The following OPRM1 variants were observed in gnomAD, a reference collection of about 807,000 sequenced individuals.
The protein encoded by OPRM1 is mu-type opioid receptor.
In OPRM1, 27 loss-of-function variants were observed where a neutral mutation model predicts 31.8. The ratio of observed to expected loss-of-function variants is 0.85; its 90% CI spans 0.63 to 1.17. OPRM1 has a LOEUF of 1.17. Ranked by LOEUF, OPRM1 falls within the 50% of genes most tolerant of loss-of-function variation. OPRM1 has a pLI of 0.00. For missense variants in OPRM1, 536 were observed against 511.1 expected, an observed-to-expected ratio of 1.05 and a Z score of -0.47; for synonymous variants, 196 against 189.9, an observed-to-expected ratio of 1.03 and a Z score of -0.26.
At chr6:154,073,551 A>T (rs996299916) in intron 1 of OPRM1, 1 of 152,320 alleles carries the variant, frequency 6.6e-6, no homozygotes, top group African/African-American at 2.4e-5. Context: ...ACAGTCTACC[A>T]GGGAATATTA....
chr6:154,111,363 G>C (rs1796344946), intron 3 of OPRM1, among the ~76,000 whole-genome samples: 1 of 152,124 alleles, frequency 6.6e-6, no homozygotes, highest in Non-Finnish European at 1.5e-5. Context: ...GGCTTCAAAA[G>C]TACCCAAGCC....
At chr6:154,078,750 A>C (rs1439578784) in intron 1 of OPRM1, among the ~76,000 whole-genome samples, 1 of 152,074 alleles carries the variant, frequency 6.6e-6, no homozygotes, top group African/African-American at 2.4e-5. Flanking sequence ...ATGGTGATGC[A>C]TGCCTGTGGT....
intron 3 of OPRM1, among the ~76,000 whole-genome samples, chr6:154,110,062 C>T (rs564921616): frequency 1.3e-5 from 2 of 152,246 alleles, no homozygotes; most frequent in South Asian, 4.2e-4. Context: ...AGGCATTAAT[C>T]AGAATCCTAA....
chr6:154,114,409 T>C (rs1260120073), intron 3 of OPRM1, among the ~76,000 whole-genome samples: 3 of 151,522 alleles, frequency 2.0e-5, no homozygotes, highest in African/African-American at 7.3e-5. Context: ...ATATCATCAA[T>C]ACAGTAAGCC....
At chr6:154,213,011 G>A (rs368118644) in intron 3 of OPRM1, 69 of 615,988 alleles carry the variant, frequency 1.1e-4, no homozygotes, top group East Asian at 1.1e-3. Context: ...TGGTGCAAAG[G>A]AATTACATAA....
chr6:154,165,681 G>GCCT (rs1799371553), intron 3 of OPRM1, among the ~76,000 whole-genome samples: 1 of 152,198 alleles, frequency 6.6e-6, no homozygotes. Context: ...GGTATTCAAG[G>GCCT]CCTTGTGTAA....
intron 3 of OPRM1, among the ~76,000 whole-genome samples, chr6:154,177,685 TTGG>T (rs1277882037): frequency 4.6e-5 from 7 of 152,346 alleles, no homozygotes; most frequent in Admixed American, 3.9e-4. Context: ...TTTTACACTG[TTGG>T]TGGGAGTGTA....
chr6:154,165,487 T>G (rs911542816), intron 3 of OPRM1, among the ~76,000 whole-genome samples: 3 of 152,234 alleles, frequency 2.0e-5, no homozygotes, highest in Admixed American at 6.5e-5. Context: ...CACATCAGCA[T>G]GTCCTCCTAC....
chr6:154,109,213 G>A (rs1044393450), intron 3 of OPRM1, among the ~76,000 whole-genome samples: 2 of 152,156 alleles, frequency 1.3e-5, no homozygotes, highest in Non-Finnish European at 2.9e-5. Flanking sequence ...GCTTAGAAAG[G>A]ACAACACAGT....
chr6:154,213,298 C>A (rs1778116781), intron 3 of OPRM1: 1 of 166,940 alleles, frequency 6.0e-6, no homozygotes. Flanking sequence ...GTGGAGACCC[C>A]TACAAGATAT....
intron 3 of OPRM1, among the ~76,000 whole-genome samples, chr6:154,092,421 T>C (rs1374382250): frequency 6.6e-6 from 1 of 152,224 alleles, no homozygotes; most frequent in Non-Finnish European, 1.5e-5. Flanking sequence ...AATCACAGCC[T>C]GTATAATTTT....
intron 3 of OPRM1, among the ~76,000 whole-genome samples, chr6:154,113,587 A>G (rs115104121): frequency 6.7e-4 from 102 of 152,328 alleles, no homozygotes; most frequent in African/African-American, 2.3e-3. Flanking sequence ...CAGTGTCAGG[A>G]GAAGCACATG....
chr6:154,176,751 A>G (rs1800369437), intron 3 of OPRM1, among the ~76,000 whole-genome samples: 1 of 152,136 alleles, frequency 6.6e-6, no homozygotes, highest in South Asian at 2.1e-4. Flanking sequence ...TGCCCAAGGT[A>G]ATTCAATGCT....
intron 3 of OPRM1, among the ~76,000 whole-genome samples, chr6:154,222,679 C>T (rs77826748): frequency 0.026 from 3,995 of 152,172 alleles, 79 homozygotes; most frequent in Non-Finnish European, 0.039. Context: ...TGTCAGTGCT[C>T]AAATCTTTTG....
Position 154,070,996 on chromosome 6 carries a change from G to T in OPRM1, c.291-18830G>T, listed in dbSNP as rs55866087. Among the ~76,000 whole-genome samples the T allele has an allele frequency of 1.4e-3, 207 of 152,256 alleles. 1 individual carries two copies. The highest frequency in any genetic ancestry group is 4.8e-3 in the African/African-American group (198 of 41,544). On this transcript the variant is annotated intron_variant, in intron 1 of 3. Transcript: ENST00000330432. ...ATTAAGGGAACATTGGATAGACATT[G>T]TAAGGTGCAAAATACCTCTAGAAGG...
At chr6:154,061,712 A>T (rs1310493986) in intron 1 of OPRM1, among the ~76,000 whole-genome samples, 7 of 152,070 alleles carry the variant, frequency 4.6e-5, no homozygotes, top group Non-Finnish European at 4.4e-5. Context: ...AACTTTTATC[A>T]GGCACTATGC....
rs1796975155 is a variant in OPRM1, at chr6:154,117,252, C to A, written c.1165-1431C>A. 2.6e-5 allele frequency among the ~76,000 whole-genome samples: 4 copies of A among 152,314 alleles called. 1 individual carries two copies. The South Asian group carries it at 8.3e-4, about 32-fold the overall frequency. On this transcript the variant is annotated intron_variant, in intron 3 of 3. Coordinates refer to ENST00000330432, the MANE Select transcript of OPRM1 (RefSeq NM_000914.5). ...TTTTATTCTTCCAAAAAGTTGTTGT[C>A]TGTCTTGGCACCCTGCACTTTGTGC...
chr6:154,101,270 T>C (rs1220194002), intron 3 of OPRM1, among the ~76,000 whole-genome samples: 1 of 152,146 alleles, frequency 6.6e-6, no homozygotes, highest in African/African-American at 2.4e-5. Context: ...TTCTTCATTC[T>C]TCTCTATTAT....
chr6:154,139,161 T>C (rs1477251807), intron 3 of OPRM1, among the ~76,000 whole-genome samples: 2 of 152,252 alleles, frequency 1.3e-5, no homozygotes, highest in Admixed American at 6.5e-5. Context: ...GAATTACTCT[T>C]TCCCTATTGC....
Sources: gnomAD v4.1 joint callset for allele counts (sites outside exome capture counted in the v4.1 genomes callset) on GRCh38, gnomAD v4.1.1 for gene constraint, MANE v1.5 for transcripts, NCBI Gene and HGNC (gene_info 2026-07-23, HGNC 2026-07-21) for gene names.